The following MSH4 variants were observed in gnomAD, a reference collection of about 807,000 sequenced individuals.
MSH4 encodes mutS homolog 4, also known as mutS protein homolog 4.
Under a neutral mutation model 113.7 loss-of-function variants are expected in MSH4, and 106 were observed. The ratio of observed to expected loss-of-function variants is 0.93; its 90% CI spans 0.80 to 1.10. MSH4 has a LOEUF of 1.10. Ranked by LOEUF, MSH4 falls within the 50% of genes least tolerant of loss-of-function variation. The pLI, the probability that MSH4 is intolerant of heterozygous loss-of-function variation, is 0.00. For missense variants in MSH4, 1,061 were observed against 1,093.7 expected, an observed-to-expected ratio of 0.97 and a Z score of 0.42; for synonymous variants, 368 against 380.2, an observed-to-expected ratio of 0.97 and a Z score of 0.37.
At chr1:75,836,529 A>C (rs559213318) in intron 7 of MSH4, among the ~76,000 whole-genome samples, 1 of 152,070 alleles carries the variant, frequency 6.6e-6, no homozygotes, top group Admixed American at 6.6e-5. Flanking sequence ...CACATTCTTA[A>C]TAAATTACTG....
At chr1:75,855,608 C>T (rs778837329) in intron 8 of MSH4, among the ~76,000 whole-genome samples, 4 of 151,872 alleles carry the variant, frequency 2.6e-5, no homozygotes, top group Non-Finnish European at 5.9e-5. Context: ...TGTGTTTCCA[C>T]GTGTTCACAA....
At chr1:75,814,240 C>T (rs1650248005) in intron 4 of MSH4, among the ~76,000 whole-genome samples, 1 of 148,020 alleles carries the variant, frequency 6.8e-6, no homozygotes, top group Admixed American at 6.8e-5. Flanking sequence ...ATCACTTGAG[C>T]CCAGGAGTTT....
intron 17 of MSH4, among the ~76,000 whole-genome samples, chr1:75,894,852 T>C (rs1029214135): frequency 6.6e-6 from 1 of 152,144 alleles, no homozygotes; most frequent in Non-Finnish European, 1.5e-5. Flanking sequence ...TAAGTGGCAA[T>C]ACCTTTCAGG....
At position 75,889,019 on chromosome 1, in the gene MSH4, C is replaced by T. The variant is rs952420584; in HGVS notation, c.2108-232C>T. Among the ~76,000 whole-genome samples the T allele has an allele frequency of 3.9e-5, 6 of 151,904 alleles. No homozygotes were observed. The South Asian group carries it at 1.0e-3, about 26-fold the overall frequency. ...ACGCCATTCTCCTGCCTCAGCCTCC[C>T]GAGTAGTTGGGACCACAGTTTCCCC... On this transcript the variant is annotated intron_variant, in intron 15 of 19. Transcript: ENST00000263187.
chr1:75,806,187 T>G (rs966667421), intron 2 of MSH4, among the ~76,000 whole-genome samples: 1 of 151,212 alleles, frequency 6.6e-6, no homozygotes, highest in African/African-American at 2.4e-5. Flanking sequence ...TTTGTAGCAA[T>G]ACTTTATATA....
intron 8 of MSH4, among the ~76,000 whole-genome samples, chr1:75,855,463 C>T (rs1651296146): frequency 1.3e-5 from 2 of 152,350 alleles, no homozygotes; most frequent in South Asian, 4.1e-4. Flanking sequence ...GGGCCATGCT[C>T]TCTCTGCGAA....
At chr1:75,802,818 G>C (rs113334363) in intron 1 of MSH4, among the ~76,000 whole-genome samples, 1 of 152,274 alleles carries the variant, frequency 6.6e-6, no homozygotes, top group Non-Finnish European at 1.5e-5. Context: ...TCTGGAGGCT[G>C]GGAAGTCCAA....
intron 19 of MSH4, among the ~76,000 whole-genome samples, chr1:75,905,133 C>T (rs1000829161): frequency 1.5e-4 from 21 of 141,918 alleles, no homozygotes; most frequent in African/African-American, 4.5e-4. Flanking sequence ...AGAAGTACCA[C>T]GTTAGGTTGT....
At chr1:75,801,042 G>T (rs1649924576) in intron 1 of MSH4, among the ~76,000 whole-genome samples, 1 of 152,038 alleles carries the variant, frequency 6.6e-6, no homozygotes, top group Admixed American at 6.5e-5. Flanking sequence ...AACGGTTTTT[G>T]CACTTTTGAA....
At chr1:75,844,766 G>C (rs1393845457) in intron 7 of MSH4, among the ~76,000 whole-genome samples, 1 of 152,194 alleles carries the variant, frequency 6.6e-6, no homozygotes, top group Non-Finnish European at 1.5e-5. Flanking sequence ...TTGAGTGGTG[G>C]TACATGCAAG....
chr1:75,815,338 A>G (rs372417538), intron 5 of MSH4, among the ~76,000 whole-genome samples: 2 of 152,320 alleles, frequency 1.3e-5, no homozygotes, highest in African/African-American at 2.4e-5. Flanking sequence ...TGAAATAGTG[A>G]AATAGTTGAC....
chr1:75,840,914 G>T (rs2100540089), intron 7 of MSH4, among the ~76,000 whole-genome samples: 1 of 152,228 alleles, frequency 6.6e-6, no homozygotes, highest in African/African-American at 2.4e-5. Context: ...ACAGAGAAGG[G>T]AGTTGGGATA....
At chr1:75,797,869 G>A (rs750730722) in intron 1 of MSH4, among the ~76,000 whole-genome samples, 5 of 152,162 alleles carry the variant, frequency 3.3e-5, no homozygotes, top group Non-Finnish European at 5.9e-5. Flanking sequence ...TGGCGAGTCC[G>A]GGAGGTCGAG....
At chr1:75,816,166 G>C (rs574936169) in intron 5 of MSH4, among the ~76,000 whole-genome samples, 1 of 152,240 alleles carries the variant, frequency 6.6e-6, no homozygotes, top group Non-Finnish European at 1.5e-5. Context: ...ACTTGAACTT[G>C]AAATTAATAC....
At chr1:75,833,792 A>T (rs1265370225) in intron 7 of MSH4, among the ~76,000 whole-genome samples, 1 of 152,258 alleles carries the variant, frequency 6.6e-6, no homozygotes. Flanking sequence ...TTCAACATGG[A>T]TTAAAGACGC....
chr1:75,883,728 G>A lies in MSH4; in HGVS notation c.2014G>A (p.Gly672Arg). Residue 672 changes from glycine (G) to arginine (R), a missense_variant, in exon 15 of 20, where the codon GGG (glycine) becomes AGG (arginine). By Grantham distance (125) the Gly-to-Arg change is moderately radical. Transcript: ENST00000263187. Reference sequence around the variant, plus strand: ...TGCCAACAATACCTATGTTACAGAAGGGAGTAATTTTTTGATCATAACTGG... The same window carrying A: ...TGCCAACAATACCTATGTTACAGAAAGGAGTAATTTTTTGATCATAACTGG... ...PIANNTYVTE[G>R]SNFLIITGPN... 1.2e-6 allele frequency: 2 copies of A among 1,613,206 alleles called. No homozygotes were observed. Among genetic ancestry groups the A allele is most frequent in the Non-Finnish European group, 1.7e-6 (2 of 1,179,568 alleles).
intron 6 of MSH4, among the ~76,000 whole-genome samples, chr1:75,819,067 G>C (rs1049689368): frequency 6.6e-6 from 1 of 151,866 alleles, no homozygotes; most frequent in Non-Finnish European, 1.5e-5. Flanking sequence ...TGCCCGGCCT[G>C]TTTTTGTTTT....
intron 4 of MSH4, among the ~76,000 whole-genome samples, chr1:75,812,356 G>T (rs1650207934): frequency 6.6e-6 from 1 of 152,124 alleles, no homozygotes; most frequent in Admixed American, 6.6e-5. Flanking sequence ...ATAAGGAGGA[G>T]TAAGCACAAG....
chr1:75,908,280 G>A (rs918965481), intron 19 of MSH4, among the ~76,000 whole-genome samples: 37 of 151,200 alleles, frequency 2.4e-4, no homozygotes, highest in Middle Eastern at 3.4e-3. Flanking sequence ...TGTGTAGCTG[G>A]GATTACAGGT....
Sources: allele counts gnomAD v4.1 joint callset (sites outside exome capture counted in the v4.1 genomes callset), GRCh38; gene constraint gnomAD v4.1.1; transcripts MANE v1.5; gene names NCBI Gene and HGNC (gene_info 2026-07-23, HGNC 2026-07-21).